Variants in ERI2 observed in about 807,000 individuals in gnomAD.
ERI2 encodes the protein ERI1 exoribonuclease 2.
Under a neutral mutation model 46.8 loss-of-function variants are expected in ERI2, and 35 were observed. The observed-to-expected ratio is 0.75, with a 90% CI of 0.57 to 0.99. The LOEUF is 0.99. ERI2 is among the 50% of genes least tolerant of loss of function. The pLI is 0.00. For synonymous variants in ERI2, 224 were observed against 271.0 expected (o/e 0.83, Z 1.70); for missense variants, 695 against 796.2 (o/e 0.87, Z 1.53).
At chr16:20,788,386 T>G (rs563487905) in intron 10 of ERI2, among the ~76,000 whole-genome samples, 1 of 152,298 alleles carries the variant, frequency 6.6e-6, no homozygotes, top group East Asian at 1.9e-4. Flanking sequence ...AACTGCAAGG[T>G]ACCCCCACCT....
chr16:20,803,713 C>T (rs2080819939), intron 1 of ERI2, 43 bp from the exon 2 acceptor site: 2 of 1,601,292 alleles, frequency 1.2e-6, no homozygotes, highest in East Asian at 4.5e-5. Flanking sequence ...TGAACTCATT[C>T]ACACTCCTGT....
downstream of ERI2, chr16:20,792,250 C>A (rs2080617665): frequency 3.1e-6 from 5 of 1,613,944 alleles, no homozygotes; most frequent in Non-Finnish European, 4.2e-6. Context: ...CGAATTGGAC[C>A]ATTTGAGGTA....
At chr16:20,780,875 T>G in intron 10 of ERI2, 4 of 1,614,032 alleles carry the variant, frequency 2.5e-6, no homozygotes, top group Non-Finnish European at 3.4e-6. Context: ...TTCACAAAAG[T>G]GCAGCTTGAA....
intron 10 of ERI2, among the ~76,000 whole-genome samples, chr16:20,782,426 C>T (rs2080372841): frequency 6.6e-6 from 1 of 152,120 alleles, no homozygotes; most frequent in Non-Finnish European, 1.5e-5. Flanking sequence ...CCCCAAAGTC[C>T]ATTATATCAT....
intron 10 of ERI2, chr16:20,789,390 T>C: frequency 1.1e-6 from 1 of 929,818 alleles, no homozygotes; most frequent in South Asian, 1.4e-5. Flanking sequence ...ATGTATTAAG[T>C]ACTTAATAAA....
chr16:20,789,606 G>A, intron 9 of ERI2: 1 of 1,338,126 alleles, frequency 7.5e-7, no homozygotes, highest in Non-Finnish European at 1.1e-6. Context: ...TTATCAAGAG[G>A]AAAAGATAAT....
chr16:20,800,138 T>C, intron 6 of ERI2, 100 bp from the exon 7 acceptor site: 1 of 908,192 alleles, frequency 1.1e-6, no homozygotes, highest in Non-Finnish European at 1.7e-6. Context: ...ATTTAGAATG[T>C]GCTTATTTTT....
chr16:20,797,846 C>T lies in ERI2; in HGVS notation c.1954G>A (p.Val652Ile), dbSNP rs1271884238. ...AGTCCCCCTGTGGAATGAGATGGAA[C>T]CATGCTGTTGGCTCTTTCCTTTTGA... The part of the protein sequence containing the change: ...TLQKERANSM[V>I]PSHSTGGLTF... Residue 652 changes from valine to isoleucine, a missense_variant, in exon 9 of 9, where the codon GTT becomes ATT. Physicochemically the swap from Val to Ile is conservative, Grantham distance 29. Transcript: ENST00000357967. 6.4e-7 allele frequency: 1 copy of T among 1,551,516 alleles called. No individual in the cohort carries two copies. The highest frequency in any genetic ancestry group is 1.4e-5 in the African/African-American group (1 of 73,144).
chr16:20,792,444 A>G, downstream of ERI2: 1 of 1,552,418 alleles, frequency 6.4e-7, no homozygotes, highest in South Asian at 1.2e-5. Flanking sequence ...TTTACTAAAT[A>G]TGCAAGTCAG....
intron 1 of ERI2, among the ~76,000 whole-genome samples, chr16:20,804,257 CT>C: frequency 6.6e-6 from 1 of 152,122 alleles, no homozygotes. Flanking sequence ...CACTGAAAAT[CT>C]TATTTTTCCC....
chr16:20,802,716 A>G (rs1271632093), intron 4 of ERI2, 80 bp downstream of exon 4: 1 of 1,471,946 alleles, frequency 6.8e-7, no homozygotes, highest in African/African-American at 1.4e-5. Context: ...CTAACACTAA[A>G]TAAATCTAAT....
chr16:20,792,093 T>G, downstream of ERI2: 1 of 1,614,144 alleles, frequency 6.2e-7, no homozygotes, highest in African/African-American at 1.3e-5. Context: ...TATTTCTGGT[T>G]TGTTGCAAGA....
At chr16:20,794,485 T>C (rs961715448), downstream of ERI2, among the ~76,000 whole-genome samples, 3 of 152,200 alleles carry the variant, frequency 2.0e-5, no homozygotes, top group African/African-American at 4.8e-5. Context: ...TTTAATCTTA[T>C]TTAATTTTAA....
Position 20,798,192 on chromosome 16 carries a change from T to C in ERI2, c.1608A>G (p.Pro536=), listed in dbSNP as rs1380314940. ...CTGGTGGGAAAGCTTGGGGACTGCA[T>C]GGATTCCTTTTGGTACCACCTGAAA... ...PLLSGGTKRN[P]CSPQAFPPAK... is the part of the protein sequence containing the mutation. Residue 536 remains proline, a synonymous_variant, in exon 9 of 9, where the codon CCA becomes CCG. Coordinates refer to ENST00000357967, the MANE Select transcript of ERI2 (RefSeq NM_001142725.2). 6.4e-7 allele frequency: 1 copy of C among 1,551,536 alleles called. No individual in the cohort carries two copies. The highest frequency in any genetic ancestry group is 2.4e-5 in the East Asian group (1 of 40,938).
chr16:20,791,425 C>T (rs941871946), downstream of ERI2, among the ~76,000 whole-genome samples: 1 of 152,222 alleles, frequency 6.6e-6, no homozygotes, highest in African/African-American at 2.4e-5. Flanking sequence ...TTAGTTTACT[C>T]CTCTGAGCTA....
chr16:20,781,409 G>GT (rs1400903083), intron 10 of ERI2, among the ~76,000 whole-genome samples: 1 of 152,058 alleles, frequency 6.6e-6, no homozygotes, highest in Admixed American at 6.6e-5. Context: ...AAAATACCAT[G>GT]TAACAAATAT....
At chr16:20,785,107 G>A (rs758724882) in intron 10 of ERI2, 7 of 1,612,666 alleles carry the variant, frequency 4.3e-6, no homozygotes, top group East Asian at 2.2e-5. Flanking sequence ...AGACTGAAAC[G>A]GTACCTGACC....
chr16:20,786,134 A>G, intron 10 of ERI2: 1 of 1,608,008 alleles, frequency 6.2e-7, no homozygotes, highest in Non-Finnish European at 8.5e-7. Context: ...CAATGGGAAA[A>G]CCTTCTCCTG....
chr16:20,805,678 T>C (rs2080857168), intron 1 of ERI2: 1 of 173,830 alleles, frequency 5.8e-6, no homozygotes, highest in South Asian at 1.9e-4. Context: ...CATTAGGTCA[T>C]AGCCTGTTCC....
Sources: gnomAD v4.1 joint callset for allele counts (sites outside exome capture counted in the v4.1 genomes callset) on GRCh38, gnomAD v4.1.1 for gene constraint, MANE v1.5 for transcripts, NCBI Gene and HGNC (gene_info 2026-07-23, HGNC 2026-07-21) for gene names.